TSHZ2: variants seen among roughly 807,000 people sequenced by gnomAD.
TSHZ2 encodes teashirt homolog 2.
A neutral mutation model predicts 74.4 loss-of-function variants in TSHZ2; 21 were observed. The ratio of observed to expected loss-of-function variants is 0.28; its 90% CI spans 0.20 to 0.41. The LOEUF is 0.41. TSHZ2 is among the 10% of genes least tolerant of loss of function. The probability of loss-of-function intolerance (pLI) is 1.00; values close to 1 mark genes in which losing one functional copy is unlikely to be tolerated. For synonymous variants in TSHZ2, 540 were observed against 515.3 expected (o/e 1.05, Z -0.65); for missense variants, 1,244 against 1,293.5 (o/e 0.96, Z 0.59).
chr20:53,158,036 A>AC (rs1987837917), intron 1 of TSHZ2, among the ~76,000 whole-genome samples: 1 of 152,188 alleles, frequency 6.6e-6, no homozygotes, highest in African/African-American at 2.4e-5. Flanking sequence ...TGGATTAGTC[A>AC]AGGAAGATCT....
chr20:53,091,713 T>C (rs1186197389), intron 1 of TSHZ2, among the ~76,000 whole-genome samples: 4 of 152,178 alleles, frequency 2.6e-5, no homozygotes, highest in Non-Finnish European at 5.9e-5. Context: ...CACTCCATTA[T>C]AGTGTACTTC....
Position 53,237,526 on chromosome 20 carries a change from T to C in TSHZ2, c.41-15973T>C, listed in dbSNP as rs75422355. ...GTGAGTGTGTGTGTGTGTGTGTGTG[T>C]GCGCGTGCATCTGAATTTCTTTCTT... is the stretch of plus-strand genomic sequence containing the variant. On this transcript the variant is annotated intron_variant, in intron 1 of 2. Coordinates refer to ENST00000371497, the MANE Select transcript of TSHZ2 (RefSeq NM_173485.6). Among the ~76,000 whole-genome samples the C allele has an allele frequency of 9.4e-3, 1,346 of 143,398 alleles. 28 individuals are homozygous for C. Among genetic ancestry groups the C allele is most frequent in the Admixed American group, 0.044 (644 of 14,518 alleles). The allele number at this position is 143,398 out of a possible 152,430, so 94.1% of individuals were successfully genotyped here.
chr20:53,070,884 GTGTC>G (rs1427486169), intron 1 of TSHZ2, among the ~76,000 whole-genome samples: 1 of 152,160 alleles, frequency 6.6e-6, no homozygotes, highest in Non-Finnish European at 1.5e-5. Flanking sequence ...GAAGAAGTGA[GTGTC>G]TGAGATTTAT....
intron 2 of TSHZ2, among the ~76,000 whole-genome samples, chr20:53,355,649 G>C (rs551332474): frequency 1.3e-5 from 2 of 151,994 alleles, no homozygotes; most frequent in African/African-American, 4.8e-5. Flanking sequence ...TTTCTTTTTG[G>C]GAAGAAAAAA....
chr20:53,469,047 A>G (rs6091678), intron 2 of TSHZ2, among the ~76,000 whole-genome samples: 1 of 57,612 alleles, frequency 1.7e-5, no homozygotes, highest in Admixed American at 1.5e-4. Flanking sequence ...TCGATATTTT[A>G]TATATATATA....
chr20:53,254,332 G>A lies in TSHZ2; in HGVS notation c.874G>A (p.Val292Ile), dbSNP rs772340421. Residue 292 changes from valine to isoleucine, a missense_variant, in exon 2 of 3, where the codon GTC (valine) becomes ATC (isoleucine). Physicochemically the swap from Val to Ile is conservative, Grantham distance 29 (BLOSUM62 3). Coordinates refer to ENST00000371497, the MANE Select transcript of TSHZ2 (RefSeq NM_173485.6). ...DSFDSLQDLSVHMIKTKHYQK... is the reference protein window; with the variant it reads ...DSFDSLQDLSIHMIKTKHYQK... ...CTTTGATTCCCTCCAAGATTTGAGC[G>A]TCCACATGATTAAAACAAAACATTA... is the stretch of plus-strand genomic sequence containing the variant. 1.1e-5 allele frequency: 17 copies of A among 1,614,018 alleles called. No individual in the cohort carries two copies. Among genetic ancestry groups the A allele is most frequent in the Admixed American group, 1.7e-5 (1 of 60,000 alleles).
chr20:53,136,524 C>T (rs1475744039), intron 1 of TSHZ2, among the ~76,000 whole-genome samples: 1 of 152,124 alleles, frequency 6.6e-6, no homozygotes, highest in Non-Finnish European at 1.5e-5. Flanking sequence ...ATTTTATTAC[C>T]TCTCTTAAAG....
intron 1 of TSHZ2, among the ~76,000 whole-genome samples, chr20:53,047,145 G>T (rs1290587895): frequency 6.6e-6 from 1 of 152,162 alleles, no homozygotes; most frequent in Non-Finnish European, 1.5e-5. Flanking sequence ...GAAACCTCCT[G>T]ATTTTTAAAT....
At chr20:53,279,896 T>A (rs1479140106) in intron 2 of TSHZ2, among the ~76,000 whole-genome samples, 1 of 152,144 alleles carries the variant, frequency 6.6e-6, no homozygotes, top group African/African-American at 2.4e-5. Context: ...GAAGAGGATT[T>A]CAGACAGGGA....
Position 53,269,748 on chromosome 20 carries a change from GTAAC to G in TSHZ2, c.*8+13182_*8+13185del, listed in dbSNP as rs372008834. Among the ~76,000 whole-genome samples the G allele has an allele frequency of 3.2e-3, 492 of 151,418 alleles. 2 individuals are homozygous for G. The highest frequency in any genetic ancestry group is 0.011 in the African/African-American group (459 of 41,048). Reference sequence around the variant, plus strand: ...ACCAGCATGGCACATGTATACATATGTAACTAACCTGCACAATGTGCACATGTAC... The same window carrying G: ...ACCAGCATGGCACATGTATACATATGTAACCTGCACAATGTGCACATGTAC... On this transcript the variant is annotated intron_variant, in intron 2 of 2. Coordinates refer to ENST00000371497, the MANE Select transcript of TSHZ2 (RefSeq NM_173485.6).
At chr20:53,183,665 G>GA (rs1465963424) in intron 1 of TSHZ2, among the ~76,000 whole-genome samples, 2 of 152,150 alleles carry the variant, frequency 1.3e-5, no homozygotes, top group Non-Finnish European at 2.9e-5. Context: ...GGAGTTTCCT[G>GA]GAATGCAGGA....
At chr20:53,463,437 G>GGAAGGAAGGAA (rs1568929615) in intron 2 of TSHZ2, among the ~76,000 whole-genome samples, 8 of 77,116 alleles carry the variant, frequency 1.0e-4, no homozygotes, top group Non-Finnish European at 1.1e-4. Flanking sequence ...GAAGGAAGGA[G>GGAAGGAAGGAA]GGAGGGAGGG....
intron 2 of TSHZ2, among the ~76,000 whole-genome samples, chr20:53,414,253 T>C (rs1315357852): frequency 6.6e-6 from 1 of 152,244 alleles, no homozygotes; most frequent in Non-Finnish European, 1.5e-5. Flanking sequence ...GGGTACTTTA[T>C]ATTTTTGTAG....
intron 1 of TSHZ2, among the ~76,000 whole-genome samples, chr20:52,997,067 G>C (rs950088428): frequency 2.0e-5 from 3 of 152,172 alleles, no homozygotes; most frequent in Non-Finnish European, 2.9e-5. Context: ...GCTGGGATCT[G>C]TTACAAAGGC....
intron 1 of TSHZ2, among the ~76,000 whole-genome samples, chr20:53,220,699 G>A (rs867612272): frequency 6.6e-6 from 1 of 152,206 alleles, no homozygotes; most frequent in East Asian, 1.9e-4. Context: ...GCTCCCGGAT[G>A]TGAGGGGCCG....
chr20:53,112,436 ACTTGT>A (rs760094512), intron 1 of TSHZ2, among the ~76,000 whole-genome samples: 2 of 152,116 alleles, frequency 1.3e-5, no homozygotes, highest in Admixed American at 6.5e-5. Context: ...CTGCCCCTTC[ACTTGT>A]CTTCTACTTT....
At chr20:53,420,919 A>G (rs1379124126) in intron 2 of TSHZ2, among the ~76,000 whole-genome samples, 1 of 152,182 alleles carries the variant, frequency 6.6e-6, no homozygotes, top group Non-Finnish European at 1.5e-5. Context: ...AGGCTCACTC[A>G]CTCAAACATA....
chr20:53,051,451 G>GTGCA (rs1555819545), intron 1 of TSHZ2, among the ~76,000 whole-genome samples: 1 of 87,494 alleles, frequency 1.1e-5, no homozygotes, highest in African/African-American at 4.0e-5. Context: ...TTACTCTGTG[G>GTGCA]CGCACGCACA....
chr20:53,269,356 G>A (rs1483251701), intron 2 of TSHZ2, among the ~76,000 whole-genome samples: 1 of 152,096 alleles, frequency 6.6e-6, no homozygotes, highest in Non-Finnish European at 1.5e-5. Context: ...CTCTGGGAGG[G>A]GTGGGGGGGA....
Sources: allele counts gnomAD v4.1 joint callset (sites outside exome capture counted in the v4.1 genomes callset), GRCh38; gene constraint gnomAD v4.1.1; transcripts MANE v1.5; gene names NCBI Gene and HGNC (gene_info 2026-07-23, HGNC 2026-07-21).